The following MRPL48 variants were observed in gnomAD, a reference collection of about 807,000 sequenced individuals.
MRPL48 encodes mitochondrial ribosomal protein L48.
In MRPL48, 16 loss-of-function variants were observed where a neutral mutation model predicts 32.9. The ratio of observed to expected loss-of-function variants is 0.49; its 90% CI spans 0.33 to 0.74. The LOEUF (loss-of-function observed/expected upper bound fraction) is 0.74. Among genes scored for constraint, MRPL48 ranks in the 30% least tolerant of loss-of-function variants. The pLI is 0.02. For missense variants in MRPL48, 206 were observed against 245.3 expected, an observed-to-expected ratio of 0.84 and a Z score of 1.07; for synonymous variants, 94 against 89.2, an observed-to-expected ratio of 1.05 and a Z score of -0.31.
intron 6 of MRPL48, among the ~76,000 whole-genome samples, chr11:73,862,336 C>T (rs899404545): frequency 3.3e-5 from 5 of 152,046 alleles, no homozygotes; most frequent in Admixed American, 2.0e-4. Context: ...GCAGGAGAAT[C>T]GCTTGAACCC....
chr11:73,806,913 A>C (rs578071638), intron 2 of MRPL48, among the ~76,000 whole-genome samples: 1 of 151,866 alleles, frequency 6.6e-6, no homozygotes, highest in Non-Finnish European at 1.5e-5. Flanking sequence ...TCTTTCACCC[A>C]GGCTGGAGTG....
intron 5 of MRPL48, among the ~76,000 whole-genome samples, chr11:73,853,743 T>A (rs936063413): frequency 7.5e-6 from 1 of 132,616 alleles, no homozygotes; most frequent in Non-Finnish European, 1.5e-5. Flanking sequence ...CAGGCTAGAG[T>A]GCAGTGGCGC....
chr11:73,815,639 C>T lies in MRPL48; in HGVS notation c.112+7289C>T, dbSNP rs372325839. Among the ~76,000 whole-genome samples the T allele has an allele frequency of 9.9e-5, 15 of 152,192 alleles. 1 individual carries two copies. The East Asian group carries it at 1.7e-3, about 18-fold the overall frequency. Reference sequence around the variant, plus strand: ...AAAGTGCTGAGATTACATGTGTGAGCCACAATACCCAGCCTAAGTCTAGGA... The same window carrying T: ...AAAGTGCTGAGATTACATGTGTGAGTCACAATACCCAGCCTAAGTCTAGGA... On this transcript the variant is annotated intron_variant, in intron 3 of 7. Coordinates refer to ENST00000310614, the MANE Select transcript of MRPL48 (RefSeq NM_016055.6).
chr11:73,817,819 T>TGA, intron 3 of MRPL48: 2 of 407,870 alleles, frequency 4.9e-6, no homozygotes, highest in Non-Finnish European at 9.8e-6. Flanking sequence ...TTTTTGTTTT[T>TGA]GAGAGAGAGA....
intron 5 of MRPL48, among the ~76,000 whole-genome samples, chr11:73,851,829 T>G (rs1298291028): frequency 6.6e-6 from 1 of 152,080 alleles, no homozygotes; most frequent in African/African-American, 2.4e-5. Context: ...ATTCAAAAAC[T>G]ATTGATTGAG....
chr11:73,805,051 AT>A lies in MRPL48; in HGVS notation c.51del (p.Phe17LeufsTer8). On this transcript the variant is annotated frameshift_variant, in exon 2 of 8. Coordinates refer to ENST00000310614, the MANE Select transcript of MRPL48 (RefSeq NM_016055.6). LOFTEE classifies it high-confidence loss of function. ...EKVLCLRNNT[I>X]FKQAFSLLRF... ...GGTGCTGTGCCTGAGGAACAATACCATTTTTAAGCAAGCCTTTTCTCTCTTA... is the reference window on the plus strand; with the variant it reads ...GGTGCTGTGCCTGAGGAACAATACCATTTTAAGCAAGCCTTTTCTCTCTTA... 1 of 1,588,564 alleles carries A rather than the reference AT, an allele frequency of 6.3e-7. No homozygotes were observed. Among genetic ancestry groups the A allele is most frequent in the South Asian group, 1.1e-5 (1 of 87,202 alleles).
intron 1 of MRPL48, among the ~76,000 whole-genome samples, chr11:73,796,924 G>A (rs1315410693): frequency 2.0e-5 from 3 of 152,134 alleles, no homozygotes; most frequent in East Asian, 1.9e-4. Flanking sequence ...AAAATTAGCC[G>A]AGCGTGGTGG....
chr11:73,803,856 G>GT (rs1241528527), intron 1 of MRPL48, among the ~76,000 whole-genome samples: 1 of 151,890 alleles, frequency 6.6e-6, no homozygotes, highest in Non-Finnish European at 1.5e-5. Flanking sequence ...CATTATATTT[G>GT]TTTTTTTGTT....
At chr11:73,809,451 C>G (rs1947528725) in intron 3 of MRPL48, among the ~76,000 whole-genome samples, 1 of 151,294 alleles carries the variant, frequency 6.6e-6, no homozygotes, top group Non-Finnish European at 1.5e-5. Flanking sequence ...TTACAGTAAG[C>G]CGAGATCATA....
At chr11:73,846,067 CAAA>C (rs749259766) in intron 5 of MRPL48, among the ~76,000 whole-genome samples, 22 of 57,818 alleles carry the variant, frequency 3.8e-4, no homozygotes, top group South Asian at 1.5e-3. Context: ...GACCCTGTCT[CAAA>C]AAAAAAAAAA....
chr11:73,817,410 G>T (rs60349672), intron 3 of MRPL48, among the ~76,000 whole-genome samples: 3,552 of 152,210 alleles, frequency 0.023, 144 homozygotes, highest in African/African-American at 0.082. Context: ...TTTTAAAGCT[G>T]TTGATGTGTA....
chr11:73,816,768 G>T (rs1170488988), intron 3 of MRPL48, among the ~76,000 whole-genome samples: 2 of 149,370 alleles, frequency 1.3e-5, no homozygotes. Flanking sequence ...CCAGCTGGTG[G>T]TATATTTTAG....
intron 5 of MRPL48, among the ~76,000 whole-genome samples, chr11:73,855,103 A>G (rs1001126235): frequency 4.6e-5 from 7 of 151,968 alleles, no homozygotes; most frequent in African/African-American, 1.7e-4. Flanking sequence ...TACTATTACT[A>G]TTATTATTAT....
At chr11:73,823,654 G>GTTTTTT (rs57616234) in intron 3 of MRPL48, among the ~76,000 whole-genome samples, 33 of 105,630 alleles carry the variant, frequency 3.1e-4, no homozygotes, top group Non-Finnish European at 4.7e-4. Context: ...TTTCTTTTCT[G>GTTTTTT]TTTTTTTTTT....
chr11:73,827,053 G>A (rs1023726700), intron 4 of MRPL48, among the ~76,000 whole-genome samples: 2 of 151,948 alleles, frequency 1.3e-5, no homozygotes, highest in South Asian at 2.1e-4. Context: ...TGGGATTACA[G>A]GCATGAGCCA....
rs147763203 is a variant in MRPL48, at chr11:73,805,655, C to CTTT, written c.74+591_74+593dup. Among the ~76,000 whole-genome samples, 14 of 132,308 alleles carry CTTT rather than the reference C, an allele frequency of 1.1e-4. 1 individual carries two copies. Among genetic ancestry groups the CTTT allele is most frequent in the South Asian group, 2.5e-4 (1 of 3,996 alleles). 86.8% of individuals were successfully genotyped at this position (132,308 alleles called of 152,430 possible). ...TTTACTTTTGAAATATAAACAGAAC[C>CTTT]TTTTTTTTTTTTTTTTTAATTGAGG... On this transcript the variant is annotated intron_variant, in intron 2 of 7. Transcript: ENST00000310614.
intron 4 of MRPL48, among the ~76,000 whole-genome samples, chr11:73,843,700 C>T (rs1948233564): frequency 6.6e-6 from 1 of 152,108 alleles, no homozygotes; most frequent in Non-Finnish European, 1.5e-5. Flanking sequence ...TGCTGAGATT[C>T]CTTTCTGTTA....
At chr11:73,794,911 A>G (rs1413252580) in intron 1 of MRPL48, among the ~76,000 whole-genome samples, 7 of 102,292 alleles carry the variant, frequency 6.8e-5, no homozygotes, top group African/African-American at 2.7e-4. Flanking sequence ...TGCCCAGCTA[A>G]TTTTTTTTTT....
intron 2 of MRPL48, 95 bp from the exon 3 acceptor site, chr11:73,808,218 G>A (rs1947494943): frequency 1.7e-6 from 2 of 1,208,756 alleles, no homozygotes; most frequent in East Asian, 2.5e-5. Context: ...AAACAGCATT[G>A]ATGCATCTTT....
Sources: allele counts gnomAD v4.1 joint callset (sites outside exome capture counted in the v4.1 genomes callset), GRCh38; gene constraint gnomAD v4.1.1; transcripts MANE v1.5; gene names NCBI Gene and HGNC (gene_info 2026-07-23, HGNC 2026-07-21).